The following ABLIM1 variants were observed in gnomAD, a reference collection of about 807,000 sequenced individuals.
ABLIM1 encodes actin-binding LIM protein 1.
ABLIM1 carries 40 observed loss-of-function variants against 107.0 expected under a neutral mutation model. That is an observed-to-expected ratio of 0.37 (90% CI 0.29 to 0.49). The LOEUF is 0.49. Ranked by LOEUF, ABLIM1 falls within the 20% of genes least tolerant of loss-of-function variation. The pLI is 0.97. For synonymous variants in ABLIM1, 357 were observed against 357.3 expected, an observed-to-expected ratio of 1.00 and a Z score of 0.01; for missense variants, 857 against 1,008.5, an observed-to-expected ratio of 0.85 and a Z score of 2.04.
intron 1 of ABLIM1, among the ~76,000 whole-genome samples, chr10:114,721,899 T>TA (rs1162687809): frequency 6.6e-6 from 1 of 152,202 alleles, no homozygotes; most frequent in Non-Finnish European, 1.5e-5. Context: ...GTGGGATTCC[T>TA]ATAAGCAAAG....
the ABLIM1 span, among the ~76,000 whole-genome samples, chr10:114,793,830 C>G: frequency 1.3e-5 from 2 of 152,176 alleles, no homozygotes; most frequent in Non-Finnish European, 2.9e-5. Context: ...TGTCTATTAC[C>G]AGGGTCAGAC....
intron 4 of ABLIM1, among the ~76,000 whole-genome samples, chr10:114,568,370 G>A (rs1018526743): frequency 6.6e-6 from 1 of 152,024 alleles, no homozygotes; most frequent in Non-Finnish European, 1.5e-5. Context: ...TGCACGTCCT[G>A]CACATGTACC....
chr10:114,450,011 AT>A, intron 14 of ABLIM1: 1 of 247,294 alleles, frequency 4.0e-6, no homozygotes, highest in South Asian at 4.7e-5. Context: ...AATTTTAATT[AT>A]TTGATTATTT....
In ABLIM1 at chr10:114,589,199, CTG is replaced by C. The variant is rs1209195482; in HGVS notation, c.379+12626_379+12627del. Reference sequence around the variant, plus strand: ...ATAGCTGTACGATGCGTGTGTGTGTCTGTGTGTGTGTGTGTGTGTTTTTTTTT... The same window carrying C: ...ATAGCTGTACGATGCGTGTGTGTGTCTGTGTGTGTGTGTGTGTTTTTTTTT... On this transcript the variant is annotated intron_variant, in intron 2 of 22. Transcript: ENST00000533213. 3.4e-3 allele frequency among the ~76,000 whole-genome samples: 490 copies of C among 145,854 alleles called. 12 individuals carry two copies. The highest frequency in any genetic ancestry group is 8.7e-3 in the African/African-American group (347 of 39,910).
chr10:114,758,295 T>C (rs1566310480), intron 1 of ABLIM1, among the ~76,000 whole-genome samples: 2 of 152,210 alleles, frequency 1.3e-5, no homozygotes, highest in African/African-American at 2.4e-5. Context: ...TCTTGCCAAC[T>C]ACAATTCTAC....
the ABLIM1 span, among the ~76,000 whole-genome samples, chr10:114,776,734 C>G: frequency 1.3e-5 from 2 of 152,212 alleles, no homozygotes; most frequent in Non-Finnish European, 2.9e-5. Flanking sequence ...CCGCCTCAGC[C>G]TCCCAAGTAG....
At position 114,445,341 on chromosome 10, in the gene ABLIM1, G is replaced by A. The variant is rs1215677382; in HGVS notation, c.1798C>T (p.Arg600Trp). The A allele has an allele frequency of 1.9e-6, 3 of 1,614,084 alleles. No homozygotes were observed. Among genetic ancestry groups the A allele is most frequent in the Non-Finnish European group, 2.5e-6 (3 of 1,180,008 alleles). The change falls in exon 16 of 23, where the codon CGG becomes TGG. Residue 600 changes from arginine (R) to tryptophan (W), a missense_variant. By Grantham distance (101) the Arg-to-Trp change is moderately radical. Around this residue, in one of 5 missense-constraint regions of ABLIM1, gnomAD observed 103 missense variants for 101.0 expected, o/e 1.02. Coordinates refer to ENST00000533213, the MANE Select transcript of ABLIM1 (RefSeq NM_002313.7). ...ATTAATTGCTCTTCTTGAAGCTGCC[G>A]ACGTCTCAGAAGTTCCTCATCATCT... Reference protein sequence around the residue: ...EEDDEELLRRRQLQEEQLMKL... With the variant: ...EEDDEELLRRWQLQEEQLMKL...
At chr10:114,635,819 G>A (rs1325089161) in intron 1 of ABLIM1, among the ~76,000 whole-genome samples, 1 of 152,206 alleles carries the variant, frequency 6.6e-6, no homozygotes, top group Non-Finnish European at 1.5e-5. Flanking sequence ...ACTGCACCCA[G>A]CCCCCACTGG....
At chr10:114,571,520 C>T in intron 3 of ABLIM1, 114 bp from the exon 4 acceptor site, 1 of 1,011,698 alleles carries the variant, frequency 9.9e-7, no homozygotes. Flanking sequence ...AAGCAGCAGC[C>T]AACATGTCTG....
chr10:114,465,579 C>T, intron 12 of ABLIM1, 119 bp downstream of exon 12: 1 of 1,333,200 alleles, frequency 7.5e-7, no homozygotes, highest in East Asian at 2.4e-5. Context: ...TCATTTTGCT[C>T]TGGGAGAGGG....
intron 6 of ABLIM1, chr10:114,502,187 C>A (rs892247463): frequency 5.8e-6 from 1 of 173,258 alleles, no homozygotes; most frequent in Non-Finnish European, 1.3e-5. Flanking sequence ...AAACATCATC[C>A]TCTCATTAGT....
At chr10:114,755,530 C>A (rs972795926) in intron 1 of ABLIM1, among the ~76,000 whole-genome samples, 1 of 152,162 alleles carries the variant, frequency 6.6e-6, no homozygotes, top group Non-Finnish European at 1.5e-5. Flanking sequence ...AAAGCTCTCC[C>A]GTTTGTGGAA....
chr10:114,652,692 A>G (rs928742178), intron 1 of ABLIM1, among the ~76,000 whole-genome samples: 4 of 152,186 alleles, frequency 2.6e-5, no homozygotes, highest in Non-Finnish European at 5.9e-5. Context: ...CTCTCCAGAT[A>G]TCCTTGGGGC....
intron 12 of ABLIM1, among the ~76,000 whole-genome samples, chr10:114,454,679 C>A (rs916454174): frequency 3.9e-5 from 6 of 152,162 alleles, no homozygotes; most frequent in Non-Finnish European, 8.8e-5. Flanking sequence ...TCAGCTTGTG[C>A]AAAATTAGAA....
chr10:114,506,060 C>T (rs186957606), intron 6 of ABLIM1, among the ~76,000 whole-genome samples: 1 of 152,310 alleles, frequency 6.6e-6, no homozygotes, highest in East Asian at 1.9e-4. Flanking sequence ...CTGTTCCCAC[C>T]TTTGTGTCCA....
chr10:114,769,422 G>GAAAGAAAGAAA (rs1491588873), upstream of ABLIM1, among the ~76,000 whole-genome samples: 10 of 51,872 alleles, frequency 1.9e-4, no homozygotes, highest in East Asian at 1.4e-3. Flanking sequence ...AAGAAAAGAA[G>GAAAGAAAGAAA]GAAAGAAAGA....
intron 6 of ABLIM1, among the ~76,000 whole-genome samples, chr10:114,519,312 G>A (rs1565777677): frequency 1.3e-5 from 2 of 152,134 alleles, no homozygotes; most frequent in Non-Finnish European, 2.9e-5. Flanking sequence ...GATATTTCTG[G>A]GAGTCCTAAG....
chr10:114,621,767 T>C (rs1424970259), intron 1 of ABLIM1, among the ~76,000 whole-genome samples: 1 of 152,208 alleles, frequency 6.6e-6, no homozygotes, highest in African/African-American at 2.4e-5. Flanking sequence ...ATCTTTCCAG[T>C]GTGTCGAGTT....
At chr10:114,575,337 T>C (rs2072364187) in intron 3 of ABLIM1, 79 bp downstream of exon 3, 2 of 1,504,950 alleles carry the variant, frequency 1.3e-6, no homozygotes, top group South Asian at 1.3e-5. Context: ...AAAAGGTGTA[T>C]AATCCAACCT....
Sources: allele counts gnomAD v4.1 joint callset (sites outside exome capture counted in the v4.1 genomes callset), GRCh38; gene constraint gnomAD v4.1.1; regional missense constraint gnomAD v4.1.1; transcripts MANE v1.5; gene names NCBI Gene and HGNC (gene_info 2026-07-23, HGNC 2026-07-21).